PWWP3A: variants seen among roughly 807,000 people sequenced by gnomAD.
PWWP3A encodes the protein PWWP domain containing 3A, DNA repair factor.
Under a neutral mutation model 79.0 loss-of-function variants are expected in PWWP3A, and 53 were observed. The ratio of observed to expected loss-of-function variants is 0.67; its 90% CI spans 0.54 to 0.84. The LOEUF (loss-of-function observed/expected upper bound fraction) is 0.84, where lower values mean the gene tolerates loss of function less well. PWWP3A is among the 40% of genes least tolerant of loss of function. PWWP3A has a pLI of 0.00. For synonymous variants in PWWP3A, 443 were observed against 394.4 expected (o/e 1.12, Z -1.46); for missense variants, 973 against 948.0 (o/e 1.03, Z -0.35).
At position 1,360,208 on chromosome 19, in the gene PWWP3A, A is replaced by C; in HGVS notation, c.287A>C (p.Asp96Ala). 1 of 1,613,004 alleles carries C rather than the reference A, an allele frequency of 6.2e-7. No homozygotes were observed. The highest frequency in any genetic ancestry group is 8.5e-7 in the Non-Finnish European group (1 of 1,179,522). ...AGACGGTCGCTTCGCGTGGCTCTGGACGTTCTGAGCGAGGGCTCGATTTGG... is the reference window on the plus strand; with the variant it reads ...AGACGGTCGCTTCGCGTGGCTCTGGCCGTTCTGAGCGAGGGCTCGATTTGG... ...AYRRSLRVAL[D>A]VLSEGSIWSQ... The change falls in exon 5 of 14, where the codon GAC (aspartate) becomes GCC (alanine). Residue 96 changes from aspartate to alanine, a missense_variant. By Grantham distance (126) the Asp-to-Ala change is moderately radical. Transcript: ENST00000591337. This position sits in a 1 kb window ranked among gnomAD's most constrained non-coding sequence, Gnocchi z 4.4.
intron 6 of PWWP3A, among the ~76,000 whole-genome samples, chr19:1,362,722 C>T (rs1470517124): frequency 6.6e-6 from 1 of 152,240 alleles, no homozygotes; most frequent in East Asian, 1.9e-4. Context: ...TGTCTCGCGG[C>T]TTCCGTTGGT....
chr19:1,373,077 C>G lies in PWWP3A; in HGVS notation c.1992C>G (p.Ile664Met), dbSNP rs2082296053. The change falls in exon 13 of 14, where the codon ATC becomes ATG. Residue 664 changes from isoleucine to methionine, a missense_variant. Transcript: ENST00000591337. The stretch of plus-strand genomic sequence containing the variant: ...AGCCCCGTGCCCTCTCACAGGCCAT[C>G]ATCTGTGCGATCTCTGCGGTGGACG... ...FILDVLLPEA[I>M]ICAISAVDEV... The G allele has an allele frequency of 6.2e-7, 1 of 1,614,126 alleles. No individual in the cohort carries two copies. The highest frequency in any genetic ancestry group is 8.5e-7 in the Non-Finnish European group (1 of 1,179,990).
intron 11 of PWWP3A, among the ~76,000 whole-genome samples, chr19:1,370,254 G>A (rs2082222314): frequency 1.3e-5 from 2 of 152,142 alleles, no homozygotes; most frequent in African/African-American, 2.4e-5. Context: ...AACGTGTCAC[G>A]AACACCGGGA....
intron 8 of PWWP3A, 43 bp downstream of exon 8, chr19:1,366,424 C>T: frequency 6.4e-7 from 1 of 1,559,988 alleles, no homozygotes; most frequent in Non-Finnish European, 8.8e-7. Context: ...CCTGAGGGGC[C>T]AGGCCGGCCG....
rs200341027 is a variant in PWWP3A at position 1,371,086 on chromosome 19, G to T, written c.1986+8G>T. On this transcript the variant is annotated splice_region_variant and intron_variant, in intron 12 of 13. Coordinates refer to ENST00000591337, the MANE Select transcript of PWWP3A (RefSeq NM_001369789.1). ...GACGTGCTTCTGCCCGAGGTGAGCC[G>T]CGGACCGGCGTGTCACGTGGGCAGG... 5.8e-4 allele frequency: 901 copies of T among 1,554,480 alleles called. 2 individuals carry two copies. Among genetic ancestry groups the T allele is most frequent in the Non-Finnish European group, 3.2e-4 (368 of 1,148,674 alleles).
intron 12 of PWWP3A, 74 bp downstream of exon 12, chr19:1,371,152 G>A (rs890121708): frequency 6.7e-7 from 1 of 1,490,982 alleles, no homozygotes; most frequent in Admixed American, 2.0e-5. Flanking sequence ...GCACGAGGAG[G>A]CTGCCACGGT....
chr19:1,376,457 T>G, intron 13 of PWWP3A, 62 bp from the exon 14 acceptor site: 1 of 1,559,224 alleles, frequency 6.4e-7, no homozygotes, highest in African/African-American at 1.4e-5. Context: ...CCCAGTCCTC[T>G]CTCTCATATT....
At chr19:1,364,473 CTTTTT>C in intron 6 of PWWP3A, 31 bp from the exon 7 acceptor site, 1 of 1,321,806 alleles carries the variant, frequency 7.6e-7, no homozygotes, top group Non-Finnish European at 1.0e-6. Context: ...CTTGTCTATT[CTTTTT>C]TTTTTGTTTT....
chr19:1,367,636 GC>G (rs1351601599), intron 9 of PWWP3A, among the ~76,000 whole-genome samples: 1 of 152,242 alleles, frequency 6.6e-6, no homozygotes, highest in African/African-American at 2.4e-5. Flanking sequence ...AGCGTCGGGA[GC>G]CCTGTGGGCG....
intron 13 of PWWP3A, among the ~76,000 whole-genome samples, chr19:1,375,636 TATATA>T (rs1032982209): frequency 1.9e-3 from 80 of 42,466 alleles, no homozygotes; most frequent in African/African-American, 5.9e-3. Context: ...TTTTATATAT[TATATA>T]ATATATAATT....
intron 7 of PWWP3A, among the ~76,000 whole-genome samples, chr19:1,365,359 T>C (rs1329735438): frequency 6.6e-6 from 1 of 152,282 alleles, no homozygotes; most frequent in African/African-American, 2.4e-5. Flanking sequence ...GGTGCTGTCC[T>C]GGCCTTCGCC....
intron 6 of PWWP3A, among the ~76,000 whole-genome samples, chr19:1,363,400 A>T (rs2082062410): frequency 6.6e-6 from 1 of 152,100 alleles, no homozygotes; most frequent in Non-Finnish European, 1.5e-5. Flanking sequence ...CCCATTGGGC[A>T]CCTGTCTGGA....
intron 4 of PWWP3A, chr19:1,359,193 C>G (rs1299201804): frequency 6.5e-6 from 1 of 154,890 alleles, no homozygotes; most frequent in African/African-American, 2.4e-5. Flanking sequence ...CCAAACCTGC[C>G]AGCCTTCCTT....
intron 13 of PWWP3A, 50 bp from the exon 14 acceptor site, chr19:1,376,465 ATTCT>A (rs778324199): frequency 6.9e-4 from 1,087 of 1,586,418 alleles, no homozygotes; most frequent in Admixed American, 1.0e-3. Flanking sequence ...TCTCTCTCAT[ATTCT>A]TTAACACACA....
At chr19:1,374,990 G>A (rs1338022491) in intron 13 of PWWP3A, among the ~76,000 whole-genome samples, 1 of 151,930 alleles carries the variant, frequency 6.6e-6, no homozygotes, top group South Asian at 2.1e-4. Context: ...GGAGGCCGAG[G>A]CAGGTGGATC....
Position 1,369,185 on chromosome 19 carries a change from C to T in PWWP3A, c.1423-80C>T. ...GAGCAGCCTGGACACCTGGCTGGTCCCTGGGCTCTGCGTGGCTTCTGAACC... is the reference window on the plus strand; with the variant it reads ...GAGCAGCCTGGACACCTGGCTGGTCTCTGGGCTCTGCGTGGCTTCTGAACC... On this transcript the variant is annotated intron_variant, in intron 9 of 13. Coordinates refer to ENST00000591337, the MANE Select transcript of PWWP3A (RefSeq NM_001369789.1). The surrounding 1 kb of genome is among the most constrained non-coding windows in gnomAD (Gnocchi z 4.0). 8.8e-6 allele frequency: 12 copies of T among 1,356,898 alleles called. No homozygotes were observed. In the South Asian group the frequency reaches 1.1e-4, roughly 12 times the overall value. 84.1% of individuals were successfully genotyped at this position (1,356,898 alleles called of 1,614,324 possible).
intron 12 of PWWP3A, 174 bp downstream of exon 12, chr19:1,371,252 C>T (rs1342074000): frequency 8.9e-6 from 7 of 785,102 alleles, no homozygotes; most frequent in East Asian, 8.0e-5. Context: ...AATGCGAGTG[C>T]GTGCGCTTGA....
intron 1 of PWWP3A, 116 bp from the exon 2 acceptor site, chr19:1,356,208 G>T: frequency 2.4e-5 from 14 of 590,138 alleles, no homozygotes; most frequent in African/African-American, 3.7e-5. Flanking sequence ...GCAAGATTGT[G>T]GAATTAAACC....
At chr19:1,374,478 G>A (rs780473563) in intron 13 of PWWP3A, 3 of 152,214 alleles carry the variant, frequency 2.0e-5, no homozygotes, top group Non-Finnish European at 4.4e-5. Flanking sequence ...AGGCCCTCTT[G>A]TTCTTTTAGA....
Sources: gnomAD v4.1 joint callset for allele counts (sites outside exome capture counted in the v4.1 genomes callset) on GRCh38, gnomAD v4.1.1 for gene constraint, Gnocchi (gnomAD v3.1) non-coding constraint, MANE v1.5 for transcripts, NCBI Gene and HGNC (gene_info 2026-07-23, HGNC 2026-07-21) for gene names.